CADM2: variants seen among roughly 807,000 people sequenced by gnomAD.
CADM2 encodes the protein immunoglobulin superfamily member 4D.
A neutral mutation model predicts 49.8 loss-of-function variants in CADM2; 12 were observed. The observed-to-expected ratio is 0.24, with a 90% CI of 0.15 to 0.39. The LOEUF is 0.39. Among genes scored for constraint, CADM2 ranks in the 10% least tolerant of loss-of-function variants. The pLI is 1.00. For missense variants in CADM2, 378 were observed against 492.3 expected, an observed-to-expected ratio of 0.77 and a Z score of 2.20; for synonymous variants, 214 against 175.4, an observed-to-expected ratio of 1.22 and a Z score of -1.74.
chr3:85,203,227 G>A (rs970119813), intron 1 of CADM2, among the ~76,000 whole-genome samples: 1 of 152,164 alleles, frequency 6.6e-6, no homozygotes, highest in African/African-American at 2.4e-5. Context: ...CTTTTGACAT[G>A]CCTCCTTCAC....
intron 8 of CADM2, among the ~76,000 whole-genome samples, chr3:85,967,964 G>A (rs1013477732): frequency 6.6e-6 from 1 of 151,548 alleles, no homozygotes; most frequent in Non-Finnish European, 1.5e-5. Flanking sequence ...AGTTAATTCT[G>A]TGTACTCGTA....
At chr3:85,139,575 A>G (rs1652623658) in intron 1 of CADM2, among the ~76,000 whole-genome samples, 1 of 152,114 alleles carries the variant, frequency 6.6e-6, no homozygotes, top group South Asian at 2.1e-4. Context: ...CTTTGCATGC[A>G]TATAGAATTA....
intron 1 of CADM2, among the ~76,000 whole-genome samples, chr3:85,375,967 A>C (rs2033570466): frequency 6.6e-6 from 1 of 152,178 alleles, no homozygotes. Flanking sequence ...AATAACTAAT[A>C]GTCACTGGAT....
At chr3:86,000,791 A>T (rs77196984) in intron 8 of CADM2, among the ~76,000 whole-genome samples, 4,361 of 152,206 alleles carry the variant, frequency 0.029, 120 homozygotes, top group African/African-American at 0.065. Flanking sequence ...TTGAATTAGA[A>T]CCTGCAGAAC....
intron 1 of CADM2, among the ~76,000 whole-genome samples, chr3:85,623,840 A>G (rs1166069363): frequency 3.3e-5 from 5 of 152,158 alleles, no homozygotes; most frequent in Admixed American, 2.0e-4. Flanking sequence ...AATAGTTGAA[A>G]ATTTCATTGT....
At chr3:85,267,191 C>A (rs372442429) in intron 1 of CADM2, among the ~76,000 whole-genome samples, 1 of 151,670 alleles carries the variant, frequency 6.6e-6, no homozygotes, top group East Asian at 1.9e-4. Context: ...TTTTAATTAT[C>A]TTATCACTCT....
intron 1 of CADM2, among the ~76,000 whole-genome samples, chr3:85,173,252 C>G (rs1310402906): frequency 6.6e-6 from 1 of 151,788 alleles, no homozygotes; most frequent in Non-Finnish European, 1.5e-5. Context: ...ATGTGAGATA[C>G]GGAGGAGACA....
intron 1 of CADM2, among the ~76,000 whole-genome samples, chr3:85,163,151 G>A (rs1160198656): frequency 6.6e-6 from 1 of 151,900 alleles, no homozygotes; most frequent in Non-Finnish European, 1.5e-5. Context: ...TGATTAATGT[G>A]ACCCTATCAT....
intron 1 of CADM2, among the ~76,000 whole-genome samples, chr3:85,238,389 G>A (rs1216108245): frequency 6.6e-6 from 1 of 151,860 alleles, no homozygotes; most frequent in East Asian, 1.9e-4. Flanking sequence ...TTACGGGAAG[G>A]AAAAGCAATT....
chr3:85,689,483 G>A (rs553735099), intron 1 of CADM2, among the ~76,000 whole-genome samples: 1 of 152,328 alleles, frequency 6.6e-6, no homozygotes, highest in Non-Finnish European at 1.5e-5. Context: ...GTTTGGGTAT[G>A]TATATGCATC....
At chr3:85,924,288 C>A (rs1364550717) in intron 6 of CADM2, among the ~76,000 whole-genome samples, 1 of 151,826 alleles carries the variant, frequency 6.6e-6, no homozygotes, top group African/African-American at 2.4e-5. Flanking sequence ...ACCATAGAGT[C>A]AACAGTTATA....
At chr3:85,841,903 A>G (rs1180817303) in intron 3 of CADM2, among the ~76,000 whole-genome samples, 3 of 151,980 alleles carry the variant, frequency 2.0e-5, no homozygotes, top group African/African-American at 4.8e-5. Context: ...AGAATCCCTT[A>G]TAATATTATT....
chr3:85,636,396 A>G (rs1329579837), intron 1 of CADM2, among the ~76,000 whole-genome samples: 1 of 152,206 alleles, frequency 6.6e-6, no homozygotes, highest in African/African-American at 2.4e-5. Context: ...TAAGGATATA[A>G]AGAAAGAAAA....
At position 85,431,860 on chromosome 3, in the gene CADM2, C is replaced by CATATGTATATATATATATATATATAT. The variant is rs139257494; in HGVS notation, c.62-294658_62-294657insGTATATATATATATATATATATATAT. Reference sequence around the variant, plus strand: ...AACACCATGGTCTTATGCTTAATTGCATATATATATATGCCATGCTCTTTC... The same window carrying CATATGTATATATATATATATATATAT: ...AACACCATGGTCTTATGCTTAATTGCATATGTATATATATATATATATATATATATATATATATGCCATGCTCTTTC... On this transcript the variant is annotated intron_variant, in intron 1 of 9. Coordinates refer to ENST00000383699, the MANE Select transcript of CADM2 (RefSeq NM_001167675.2). Among the ~76,000 whole-genome samples the CATATGTATATATATATATATATATAT allele has an allele frequency of 4.1e-3, 215 of 51,838 alleles. 62 individuals are homozygous for CATATGTATATATATATATATATATAT. Among genetic ancestry groups the CATATGTATATATATATATATATATAT allele is most frequent in the South Asian group, 0.013 (15 of 1,140 alleles). 34.0% of individuals were successfully genotyped at this position (51,838 alleles called of 152,430 possible).
At chr3:85,092,776 T>C (rs933725567) in intron 1 of CADM2, among the ~76,000 whole-genome samples, 2 of 152,316 alleles carry the variant, frequency 1.3e-5, no homozygotes, top group Non-Finnish European at 2.9e-5. Flanking sequence ...ATTCTGCACA[T>C]AGCTACTCTA....
At chr3:85,573,173 ATTTAT>A (rs2107254955) in intron 1 of CADM2, among the ~76,000 whole-genome samples, 1 of 79,618 alleles carries the variant, frequency 1.3e-5, no homozygotes, top group African/African-American at 3.5e-5. Flanking sequence ...TTATTTATTT[ATTTAT>A]TTATTTATTT....
chr3:85,444,201 G>A (rs767599672), intron 1 of CADM2, among the ~76,000 whole-genome samples: 5 of 152,018 alleles, frequency 3.3e-5, no homozygotes, highest in East Asian at 1.9e-4. Context: ...AAAAAGCTGC[G>A]TTTTTGGCTT....
intron 8 of CADM2, among the ~76,000 whole-genome samples, chr3:86,002,519 C>A (rs1265889952): frequency 6.6e-6 from 1 of 152,110 alleles, no homozygotes; most frequent in Non-Finnish European, 1.5e-5. Flanking sequence ...CCTCATTCAC[C>A]AACTTAGAGA....
intron 2 of CADM2, among the ~76,000 whole-genome samples, chr3:85,773,048 A>G (rs1050245058): frequency 5.3e-5 from 8 of 152,016 alleles, no homozygotes; most frequent in African/African-American, 1.9e-4. Flanking sequence ...AGCAGCTGAG[A>G]TACACATATT....
Sources: gnomAD v4.1 joint callset for allele counts (sites outside exome capture counted in the v4.1 genomes callset) on GRCh38, gnomAD v4.1.1 for gene constraint, MANE v1.5 for transcripts, NCBI Gene and HGNC (gene_info 2026-07-23, HGNC 2026-07-21) for gene names.